Variants in GAK observed in about 807,000 individuals in gnomAD.
GAK encodes the protein cyclin-G-associated kinase.
Under a neutral mutation model 143.9 loss-of-function variants are expected in GAK, and 79 were observed. The ratio of observed to expected loss-of-function variants is 0.55; its 90% CI spans 0.46 to 0.66. The LOEUF (loss-of-function observed/expected upper bound fraction) is 0.66, where lower values mean the gene tolerates loss of function less well. Ranked by LOEUF, GAK falls within the 30% of genes least tolerant of loss-of-function variation. The pLI, the probability that GAK is intolerant of heterozygous loss-of-function variation, is 0.00. For missense variants in GAK, 1,693 were observed against 1,779.7 expected (o/e 0.95, Z 0.88); for synonymous variants, 881 against 765.5 (o/e 1.15, Z -2.49).
Position 909,990 on chromosome 4 carries a change from G to A in GAK, c.382+1683C>T, listed in dbSNP as rs1220321786. ...AAGCACCCATCCGCCACCCACGTCA[G>A]GACAACCCTGGCAACAGGCGCTGGA... is the stretch of plus-strand genomic sequence containing the variant. On this transcript the variant is annotated intron_variant, in intron 4 of 27. Coordinates refer to ENST00000314167, the MANE Select transcript of GAK (RefSeq NM_005255.4). Among the ~76,000 whole-genome samples the A allele has an allele frequency of 3.3e-5, 5 of 152,032 alleles. No homozygotes were observed. In the Middle Eastern group the frequency reaches 9.5e-3, roughly 289 times the overall value.
At chr4:901,053 C>T (rs941101917) in intron 5 of GAK, among the ~76,000 whole-genome samples, 1 of 152,240 alleles carries the variant, frequency 6.6e-6, no homozygotes, top group African/African-American at 2.4e-5. Context: ...CACACTTACC[C>T]ATTTTCAAAA....
chr4:874,296 G>C (rs1200861272), intron 18 of GAK, among the ~76,000 whole-genome samples: 2 of 152,190 alleles, frequency 1.3e-5, no homozygotes, highest in Non-Finnish European at 2.9e-5. Context: ...GCTGGTGCTG[G>C]TGTCATTTCA....
intron 1 of GAK, among the ~76,000 whole-genome samples, chr4:925,553 A>T (rs1452868932): frequency 6.6e-6 from 1 of 152,184 alleles, no homozygotes; most frequent in Non-Finnish European, 1.5e-5. Flanking sequence ...CATAATTCAC[A>T]ACACTACAGA....
intron 5 of GAK, among the ~76,000 whole-genome samples, chr4:902,848 C>T (rs953625953): frequency 1.3e-5 from 2 of 152,168 alleles, no homozygotes; most frequent in Non-Finnish European, 2.9e-5. Flanking sequence ...ACACACAAGC[C>T]AGTGGAAAAT....
chr4:893,331 CCTT>C, intron 9 of GAK, 43 bp downstream of exon 9: 1 of 1,370,108 alleles, frequency 7.3e-7, no homozygotes, highest in South Asian at 1.4e-5. Flanking sequence ...ATGTGTGCCT[CCTT>C]CACCACTGCG....
At chr4:865,272 C>T (rs752666350) in intron 22 of GAK, 28 bp from the exon 23 acceptor site, 5 of 1,609,950 alleles carry the variant, frequency 3.1e-6, no homozygotes, top group Non-Finnish European at 4.2e-6. Context: ...GAAGAGAGCA[C>T]AGTTTGGTGT....
rs112992445 is a variant in GAK at position 877,828 on chromosome 4, C to T, written c.1662-19G>A. ...GATGTACCTGGGGGCAGACGTGCCGCGTCACCACGTGACGTGCCCTGAGAG... is the reference window on the plus strand; with the variant it reads ...GATGTACCTGGGGGCAGACGTGCCGTGTCACCACGTGACGTGCCCTGAGAG... On this transcript the variant is annotated intron_variant, in intron 15 of 27. Coordinates refer to ENST00000314167, the MANE Select transcript of GAK (RefSeq NM_005255.4). The T allele has an allele frequency of 3.3e-4, 514 of 1,556,156 alleles. 4 individuals are homozygous for T. In the African/African-American group the frequency reaches 5.9e-3, roughly 18 times the overall value.
At chr4:920,027 A>G (rs186422864) in intron 1 of GAK, among the ~76,000 whole-genome samples, 2 of 152,202 alleles carry the variant, frequency 1.3e-5, no homozygotes, top group African/African-American at 2.4e-5. Flanking sequence ...AAAAACAAAA[A>G]CAGGGTGGGT....
At chr4:876,064 A>G (rs1476032193) in intron 18 of GAK, among the ~76,000 whole-genome samples, 3 of 151,836 alleles carry the variant, frequency 2.0e-5, no homozygotes, top group African/African-American at 7.3e-5. Flanking sequence ...CACCAACGTC[A>G]AGAGGACAGA....
intron 20 of GAK, among the ~76,000 whole-genome samples, chr4:867,683 T>C (rs1371716831): frequency 1.4e-5 from 2 of 145,840 alleles, no homozygotes; most frequent in African/African-American, 5.2e-5. Context: ...TGGCAAGTGC[T>C]GCAGGAACAC....
intron 13 of GAK, 130 bp downstream of exon 13, chr4:883,185 G>GCAGC: frequency 9.3e-7 from 1 of 1,079,780 alleles, no homozygotes; most frequent in Non-Finnish European, 1.3e-6. Context: ...CCCACGCTCT[G>GCAGC]CAGCCCCTCA....
rs112653630 is a variant in GAK, at chr4:916,467, C to T, written c.146-2799G>A. 3.6e-4 allele frequency among the ~76,000 whole-genome samples: 55 copies of T among 152,304 alleles called. 1 individual carries two copies. Among genetic ancestry groups the T allele is most frequent in the African/African-American group, 1.1e-3 (45 of 41,562 alleles). ...ACGAGGTTTCGCCAAGTTGCCCAGG[C>T]GGGTCTAGCCTCCCAAAGTGCTGGG... On this transcript the variant is annotated intron_variant, in intron 1 of 27. Transcript: ENST00000314167.
chr4:858,503 AC>A (rs991098488), intron 24 of GAK, among the ~76,000 whole-genome samples: 8 of 152,180 alleles, frequency 5.3e-5, no homozygotes, highest in African/African-American at 1.9e-4. Flanking sequence ...GGCCCTCGCA[AC>A]CCCACCGTGC....
chr4:877,285 G>A lies in GAK; in HGVS notation c.1857-78C>T, dbSNP rs544148219. 8 of 988,730 alleles carry A rather than the reference G, an allele frequency of 8.1e-6. No individual in the cohort carries two copies. In the African/African-American group the frequency reaches 1.1e-4, roughly 14 times the overall value. The allele number at this position is 988,730 out of a possible 1,614,324, so 61.2% of individuals were successfully genotyped here. ...ACAAAAACAACAAAAAACAGAATGA[G>A]AAATTGTCCACTTAGCTAAAATGTG... On this transcript the variant is annotated intron_variant, in intron 16 of 27. Coordinates refer to ENST00000314167, the MANE Select transcript of GAK (RefSeq NM_005255.4).
At chr4:931,554 C>T (rs924256105) in intron 1 of GAK, among the ~76,000 whole-genome samples, 2 of 152,140 alleles carry the variant, frequency 1.3e-5, no homozygotes, top group Admixed American at 6.5e-5. Flanking sequence ...TCAATAACCC[C>T]AGATGTCCGG....
chr4:859,638 G>A lies in GAK; in HGVS notation c.3251C>T (p.Ala1084Val), dbSNP rs1377647276. ...GCCGGAGCTGAGGTCGCCAAGGTCA[G>A]CAAATGGGTCCGGGTTCTGAGACTT... ...WTKSQNPDPF[A>V]DLGDLSSGLQ... is the part of the protein sequence containing the mutation. Residue 1084 changes from alanine (A) to valine (V), a missense_variant, in exon 24 of 28, where the codon GCT becomes GTT. By Grantham distance (64) the Ala-to-Val change is moderately conservative. Around this residue, in one of 2 missense-constraint regions of GAK, gnomAD observed 822 missense variants for 788.7 expected, o/e 1.04. Coordinates refer to ENST00000314167, the MANE Select transcript of GAK (RefSeq NM_005255.4). 3 of 1,600,268 alleles carry A rather than the reference G, an allele frequency of 1.9e-6. No individual in the cohort carries two copies. Among genetic ancestry groups the A allele is most frequent in the Non-Finnish European group, 2.6e-6 (3 of 1,168,502 alleles).
Position 850,077 on chromosome 4 carries a change from G to C in GAK, c.3658-9C>G, listed in dbSNP as rs375749894. On this transcript the variant is annotated splice_polypyrimidine_tract_variant and intron_variant, in intron 26 of 27. Coordinates refer to ENST00000314167, the MANE Select transcript of GAK (RefSeq NM_005255.4). ...TCAATCCAGTCCAGGAGCTGCGGGA[G>C]ACACGGAGCTTGCCGAGCCCTGGGC... The C allele has an allele frequency of 2.8e-4, 431 of 1,560,060 alleles. 1 individual carries two copies. Among genetic ancestry groups the C allele is most frequent in the Middle Eastern group, 8.5e-4 (5 of 5,874 alleles).
intron 24 of GAK, among the ~76,000 whole-genome samples, chr4:854,806 G>A (rs964346410): frequency 6.6e-6 from 1 of 152,366 alleles, no homozygotes; most frequent in East Asian, 1.9e-4. Flanking sequence ...AGCACTTTGG[G>A]AGGCCGAGGC....
At chr4:896,633 C>T in intron 6 of GAK, 84 bp from the exon 7 acceptor site, 3 of 1,053,774 alleles carry the variant, frequency 2.8e-6, no homozygotes, top group Non-Finnish European at 4.4e-6. Context: ...TGCAGCTTTC[C>T]AAATGCACAG....
Sources: allele counts gnomAD v4.1 joint callset (sites outside exome capture counted in the v4.1 genomes callset), GRCh38; gene constraint gnomAD v4.1.1; regional missense constraint gnomAD v4.1.1; transcripts MANE v1.5; gene names NCBI Gene and HGNC (gene_info 2026-07-23, HGNC 2026-07-21).